LNPEP: variants seen among roughly 807,000 people sequenced by gnomAD.
The protein encoded by LNPEP is leucyl and cystinyl aminopeptidase, also known as leucyl-cystinyl aminopeptidase.
Under a neutral mutation model 120.6 loss-of-function variants are expected in LNPEP, and 64 were observed. That is an observed-to-expected ratio of 0.53 (90% CI 0.43 to 0.65). The LOEUF (loss-of-function observed/expected upper bound fraction) is 0.65, where lower values mean the gene tolerates loss of function less well. Ranked by LOEUF, LNPEP falls within the 30% of genes least tolerant of loss-of-function variation. LNPEP has a pLI of 0.00. For missense variants in LNPEP, 1,057 were observed against 1,200.0 expected (o/e 0.88, Z 1.76); for synonymous variants, 435 against 425.4 (o/e 1.02, Z -0.28).
intron 4 of LNPEP, among the ~76,000 whole-genome samples, chr5:96,987,169 T>A (rs948661076): frequency 6.6e-6 from 1 of 152,158 alleles, no homozygotes; most frequent in Non-Finnish European, 1.5e-5. Flanking sequence ...ATGAATAAGA[T>A]TGTCTATTTA....
intron 1 of LNPEP, among the ~76,000 whole-genome samples, chr5:96,965,908 G>T (rs760873071): frequency 1.3e-5 from 2 of 152,004 alleles, no homozygotes; most frequent in Non-Finnish European, 2.9e-5. Flanking sequence ...TTATATTATA[G>T]TTATTTATTT....
intron 1 of LNPEP, among the ~76,000 whole-genome samples, chr5:96,954,625 T>TATATATATATACAC (rs1187570043): frequency 1.6e-5 from 2 of 121,386 alleles, no homozygotes; most frequent in Non-Finnish European, 3.5e-5. Context: ...TCTCTATATA[T>TATATATATATACAC]ATATATACAT....
chr5:96,940,247 C>T (rs1434874862), intron 1 of LNPEP, among the ~76,000 whole-genome samples: 1 of 152,082 alleles, frequency 6.6e-6, no homozygotes, highest in African/African-American at 2.4e-5. Flanking sequence ...ATTTTAGAAA[C>T]TCTTATAACC....
chr5:97,014,683 A>C (rs1424683191), intron 12 of LNPEP, among the ~76,000 whole-genome samples: 1 of 152,188 alleles, frequency 6.6e-6, no homozygotes, highest in Non-Finnish European at 1.5e-5. Flanking sequence ...CTGAGTTAGT[A>C]GCAATTTACA....
In LNPEP at chr5:96,945,435, A is replaced by C. The variant is rs190868043; in HGVS notation, c.19+9261A>C. Among the ~76,000 whole-genome samples the C allele has an allele frequency of 8.8e-4, 134 of 151,706 alleles. 1 individual carries two copies. The highest frequency in any genetic ancestry group is 6.9e-3 in the South Asian group (33 of 4,810). ...AAAAAAAAAAAAAAAGAGATCAGAAAGGTCTTTTTCTATAGAATGTTCCAC... is the reference window on the plus strand; with the variant it reads ...AAAAAAAAAAAAAAAGAGATCAGAACGGTCTTTTTCTATAGAATGTTCCAC... On this transcript the variant is annotated intron_variant, in intron 1 of 17. Transcript: ENST00000231368.
At chr5:96,995,308 T>G (rs1790486234) in intron 6 of LNPEP, among the ~76,000 whole-genome samples, 1 of 152,230 alleles carries the variant, frequency 6.6e-6, no homozygotes. Flanking sequence ...TTTTGTTTTA[T>G]GCAGTAACCT....
chr5:97,008,315 A>AT (rs1357198364), intron 11 of LNPEP, among the ~76,000 whole-genome samples: 28 of 94,330 alleles, frequency 3.0e-4, no homozygotes, highest in Middle Eastern at 5.6e-3. Context: ...TCATTGGTTG[A>AT]TTTTTTTGTT....
At chr5:96,971,232 G>A (rs1789852762) in intron 1 of LNPEP, among the ~76,000 whole-genome samples, 1 of 151,898 alleles carries the variant, frequency 6.6e-6, no homozygotes, top group Non-Finnish European at 1.5e-5. Flanking sequence ...AGAAGTTAGT[G>A]TATGTACTGT....
chr5:96,954,349 A>G (rs544045430), intron 1 of LNPEP, among the ~76,000 whole-genome samples: 2 of 152,060 alleles, frequency 1.3e-5, no homozygotes, highest in Non-Finnish European at 2.9e-5. Flanking sequence ...ATACTTACTG[A>G]CATTATAGAA....
At chr5:97,003,629 G>A in intron 9 of LNPEP, 83 bp downstream of exon 9, 2 of 945,658 alleles carry the variant, frequency 2.1e-6, no homozygotes, top group Non-Finnish European at 3.1e-6. Flanking sequence ...ATGTGTGTAA[G>A]TTAATCTGTG....
intron 1 of LNPEP, among the ~76,000 whole-genome samples, chr5:96,957,324 TGTTA>T (rs1004612356): frequency 5.9e-5 from 9 of 152,342 alleles, no homozygotes; most frequent in African/African-American, 2.2e-4. Flanking sequence ...GTGGCTCCAA[TGTTA>T]GTTTAGTTCT....
At position 97,013,769 on chromosome 5, in the gene LNPEP, T is replaced by C. The variant is rs1790994042; in HGVS notation, c.2157T>C (p.Asn719=). The change falls in exon 12 of 18, where the codon AAT becomes AAC. Residue 719 remains asparagine (N), a synonymous_variant. Coordinates refer to ENST00000231368, the MANE Select transcript of LNPEP (RefSeq NM_005575.3). ...WEALIHQLKI[N]PYVLSDKDRA... ...CACTAATCCATCAGTTGAAAATAAA[T>C]CCTTATGTTCTGAGTGACAAAGACC... 5 of 1,612,118 alleles carry C rather than the reference T, an allele frequency of 3.1e-6. No individual in the cohort carries two copies. The African/African-American group carries it at 5.3e-5, about 17-fold the overall frequency.
chr5:97,001,330 T>C (rs1790644629), intron 8 of LNPEP, among the ~76,000 whole-genome samples: 1 of 152,156 alleles, frequency 6.6e-6, no homozygotes, highest in African/African-American at 2.4e-5. Flanking sequence ...TCAGGGTAAC[T>C]TTAAGATTTT....
chr5:96,981,921 G>T (rs1437593398), intron 2 of LNPEP, among the ~76,000 whole-genome samples: 1 of 152,070 alleles, frequency 6.6e-6, no homozygotes, highest in Non-Finnish European at 1.5e-5. Context: ...GACCGTTTTT[G>T]ATCTACCCTT....
At chr5:96,964,102 T>C (rs1257190919) in intron 1 of LNPEP, among the ~76,000 whole-genome samples, 1 of 151,682 alleles carries the variant, frequency 6.6e-6, no homozygotes, top group Non-Finnish European at 1.5e-5. Context: ...TCTTCTATGA[T>C]TGATATCAAC....
intron 1 of LNPEP, among the ~76,000 whole-genome samples, chr5:96,972,126 A>G (rs1016923249): frequency 6.6e-6 from 1 of 152,140 alleles, no homozygotes; most frequent in Non-Finnish European, 1.5e-5. Context: ...CTCTGTAGAC[A>G]GCTTAGTTAC....
intron 1 of LNPEP, 54 bp from the exon 2 acceptor site, chr5:96,979,084 A>C (rs535655054): frequency 1.3e-6 from 2 of 1,519,974 alleles, no homozygotes; most frequent in Non-Finnish European, 1.8e-6. Context: ...TATTAATATT[A>C]TGAGCTTTTT....
At chr5:96,981,881 G>T (rs1263635516) in intron 2 of LNPEP, among the ~76,000 whole-genome samples, 1 of 152,086 alleles carries the variant, frequency 6.6e-6, no homozygotes, top group African/African-American at 2.4e-5. Context: ...TGTTTCAGCA[G>T]TTCCTCGTTT....
intron 13 of LNPEP, among the ~76,000 whole-genome samples, chr5:97,020,566 G>A (rs1791168896): frequency 6.6e-6 from 1 of 152,184 alleles, no homozygotes; most frequent in African/African-American, 2.4e-5. Context: ...ACTTTGGGAG[G>A]CCGAGGCAGG....
Sources: gnomAD v4.1 joint callset for allele counts (sites outside exome capture counted in the v4.1 genomes callset) on GRCh38, gnomAD v4.1.1 for gene constraint, MANE v1.5 for transcripts, NCBI Gene and HGNC (gene_info 2026-07-23, HGNC 2026-07-21) for gene names.